ANO1: variants seen among roughly 807,000 people sequenced by gnomAD.
ANO1 encodes anoctamin 1, also known as anoctamin-1.
ANO1 carries 59 observed loss-of-function variants against 124.0 expected under a neutral mutation model. The observed-to-expected ratio is 0.48, with a 90% confidence interval of 0.39 to 0.59. ANO1 has a LOEUF of 0.59. Ranked by LOEUF, ANO1 falls within the 20% of genes least tolerant of loss-of-function variation. ANO1 has a pLI of 0.00. For synonymous variants in ANO1, 529 were observed against 532.0 expected (o/e 0.99, Z 0.08); for missense variants, 1,059 against 1,328.0 (o/e 0.80, Z 3.15).
chr11:70,145,293 C>T (rs992092078), intron 11 of ANO1, among the ~76,000 whole-genome samples: 2 of 152,176 alleles, frequency 1.3e-5, no homozygotes, highest in African/African-American at 4.8e-5. Context: ...CGCTCACTGC[C>T]CACAAAAGCC....
At chr11:70,041,020 C>A (rs562652409) in intron 1 of ANO1, among the ~76,000 whole-genome samples, 2 of 152,250 alleles carry the variant, frequency 1.3e-5, no homozygotes, top group African/African-American at 4.8e-5. Flanking sequence ...AGGGTTCAGG[C>A]ACTGATTAAG....
intron 11 of ANO1, among the ~76,000 whole-genome samples, chr11:70,146,466 G>A (rs906544440): frequency 2.0e-5 from 3 of 152,154 alleles, no homozygotes; most frequent in South Asian, 2.1e-4. Flanking sequence ...TCATAATGGA[G>A]GCCAAGTCTG....
chr11:70,149,234 C>T (rs1339283861), intron 11 of ANO1, among the ~76,000 whole-genome samples: 1 of 152,194 alleles, frequency 6.6e-6, no homozygotes, highest in East Asian at 1.9e-4. Flanking sequence ...TCAGTTTCCT[C>T]ATCTGTAAAA....
chr11:70,010,179 G>GTGTGTGTGTATATATATATATATA lies in ANO1; in HGVS notation c.58+24014_58+24015insGTGTGTGTATATATATATATATAT. ...TGTGTGTGTGTGCGCGTGTGTGTGT[G>GTGTGTGTGTATATATATATATATA]TATATATATATATATATATCACATT... On this transcript the variant is annotated intron_variant, in intron 1 of 27. Transcript: ENST00000531349. Among the ~76,000 whole-genome samples, 41 of 83,736 alleles carry GTGTGTGTGTATATATATATATATA rather than the reference G, an allele frequency of 4.9e-4. 1 individual carries two copies. The highest frequency in any genetic ancestry group is 9.9e-4 in the African/African-American group (21 of 21,238). The allele number at this position is 83,736 out of a possible 152,430, so 54.9% of individuals were successfully genotyped here.
intron 1 of ANO1, among the ~76,000 whole-genome samples, chr11:70,037,119 G>C (rs1163129048): frequency 2.0e-5 from 3 of 152,118 alleles, no homozygotes; most frequent in African/African-American, 7.2e-5. Context: ...AGAAGTCCCT[G>C]CCTTCAAGAG....
chr11:69,976,918 C>T, the ANO1 span, among the ~76,000 whole-genome samples: 4 of 151,944 alleles, frequency 2.6e-5, no homozygotes, highest in Non-Finnish European at 4.4e-5. Flanking sequence ...CAGGGGTGAA[C>T]GTCATGTTCA....
chr11:70,026,162 GTGA>G (rs200898670), intron 1 of ANO1, among the ~76,000 whole-genome samples: 85 of 145,064 alleles, frequency 5.9e-4, no homozygotes, highest in African/African-American at 2.0e-3. Context: ...GATGATGATG[GTGA>G]TGATGGTGGT....
At chr11:70,045,187 A>C (rs572118352) in intron 1 of ANO1, among the ~76,000 whole-genome samples, 1 of 152,374 alleles carries the variant, frequency 6.6e-6, no homozygotes, top group Non-Finnish European at 1.5e-5. Flanking sequence ...AAGGCTAAAC[A>C]GGCATTCCTT....
chr11:69,986,019 GC>G (rs1856032801), exon 1 of ANO1: 1 of 152,296 alleles, frequency 6.6e-6, no homozygotes, highest in Admixed American at 6.5e-5. Flanking sequence ...GGCCCCCAGA[GC>G]CGCCGCAGAC....
At chr11:70,002,515 T>C (rs1052232489) in intron 1 of ANO1, among the ~76,000 whole-genome samples, 4 of 151,424 alleles carry the variant, frequency 2.6e-5, no homozygotes, top group African/African-American at 4.8e-5. Flanking sequence ...GCCTACAGTA[T>C]TCAGTGCAGT....
chr11:70,090,220 G>T (rs997381957), intron 2 of ANO1, among the ~76,000 whole-genome samples: 9 of 152,176 alleles, frequency 5.9e-5, no homozygotes, highest in African/African-American at 2.2e-4. Flanking sequence ...TGTTAGCCAG[G>T]ATGGTCTCGA....
At chr11:70,161,127 C>T (rs761156010) in intron 16 of ANO1, 34 bp from the exon 17 acceptor site, 3 of 1,588,180 alleles carry the variant, frequency 1.9e-6, no homozygotes, top group Non-Finnish European at 2.6e-6. Flanking sequence ...CCTGGGTGGG[C>T]CCCCAACCAA....
At chr11:70,050,008 C>A (rs1208145855) in intron 1 of ANO1, among the ~76,000 whole-genome samples, 3 of 152,224 alleles carry the variant, frequency 2.0e-5, no homozygotes, top group Non-Finnish European at 4.4e-5. Context: ...CGTGAGCCAT[C>A]ACGCCCAGCT....
Position 70,138,592 on chromosome 11 carries a change from G to A in ANO1, c.1258+6513G>A, listed in dbSNP as rs568217114. 2.6e-5 allele frequency among the ~76,000 whole-genome samples: 4 copies of A among 151,818 alleles called. No homozygotes were observed. The East Asian group carries it at 5.8e-4, about 22-fold the overall frequency. ...CCAGGCACTGTCATGAGCATCTCCC[G>A]CGTGCTGACTCACTAACTCCCCCCG... On this transcript the variant is annotated intron_variant, in intron 11 of 25. Coordinates refer to ENST00000355303, the MANE Select transcript of ANO1 (RefSeq NM_018043.7).
chr11:69,972,095 G>T, the ANO1 span, among the ~76,000 whole-genome samples: 1 of 149,214 alleles, frequency 6.7e-6, no homozygotes, highest in Non-Finnish European at 1.5e-5. Flanking sequence ...AAAATTAGCC[G>T]GAAATCGCTT....
At chr11:70,021,536 G>A (rs1181400946) in intron 1 of ANO1, among the ~76,000 whole-genome samples, 1 of 151,740 alleles carries the variant, frequency 6.6e-6, no homozygotes, top group Non-Finnish European at 1.5e-5. Flanking sequence ...AAAATAAAGT[G>A]TATTTTTAAA....
chr11:69,976,553 A>AAAAAG, the ANO1 span, among the ~76,000 whole-genome samples: 1 of 86,112 alleles, frequency 1.2e-5, no homozygotes, highest in Admixed American at 1.3e-4. Flanking sequence ...AAAAAAAAAA[A>AAAAAG]AGAGAGAGAG....
At chr11:69,988,594 C>T (rs1856092858) in intron 1 of ANO1, among the ~76,000 whole-genome samples, 1 of 152,152 alleles carries the variant, frequency 6.6e-6, no homozygotes, top group African/African-American at 2.4e-5. Flanking sequence ...TGCTCATTCT[C>T]GCTCCCCTGC....
chr11:70,134,338 A>G (rs979944151), intron 11 of ANO1, among the ~76,000 whole-genome samples: 1 of 152,160 alleles, frequency 6.6e-6, no homozygotes, highest in Non-Finnish European at 1.5e-5. Flanking sequence ...CTGAGCCACT[A>G]GAAGATTGTT....
Sources: allele counts gnomAD v4.1 joint callset (sites outside exome capture counted in the v4.1 genomes callset), GRCh38; gene constraint gnomAD v4.1.1; transcripts MANE v1.5; gene names NCBI Gene and HGNC (gene_info 2026-07-23, HGNC 2026-07-21).